The following PPCDC variants were observed in gnomAD, a reference collection of about 807,000 sequenced individuals.
PPCDC encodes the protein phosphopantothenoylcysteine decarboxylase.
PPCDC carries 20 observed loss-of-function variants against 20.7 expected under a neutral mutation model. The observed-to-expected ratio is 0.97, with a 90% CI of 0.68 to 1.41. The LOEUF is 1.41. Among genes scored for constraint, PPCDC ranks in the 40% most tolerant of loss-of-function variants. The pLI is 0.00. For missense variants in PPCDC, 246 were observed against 263.8 expected (o/e 0.93, Z 0.47); for synonymous variants, 88 against 100.3 (o/e 0.88, Z 0.73).
chr15:75,032,903 C>G (rs2066040963), intron 2 of PPCDC, among the ~76,000 whole-genome samples: 1 of 152,168 alleles, frequency 6.6e-6, no homozygotes, highest in Non-Finnish European at 1.5e-5. Flanking sequence ...CAGGCTCAAG[C>G]AGTCCTCCCA....
rs2141507162 is a variant in PPCDC, at chr15:75,048,698, A to G, written c.506A>G (p.Lys169Arg). Residue 169 changes from lysine to arginine, a missense_variant, in exon 5 of 6, where the codon AAG (lysine) becomes AGG (arginine). This residue lies in a region of PPCDC where 225 missense variants were observed against 222.6 expected (regional missense o/e 1.01). Coordinates refer to ENST00000342932, the MANE Select transcript of PPCDC (RefSeq NM_021823.5). The stretch of plus-strand genomic sequence containing the variant: ...TATGTCGAGATCCCCTGTGTGGCCA[A>G]GAAGCTGGTGTGCGGAGATGAAGGT... Reference protein sequence around the residue: ...FGYVEIPCVAKKLVCGDEGLG... With the variant: ...FGYVEIPCVARKLVCGDEGLG... 3 of 1,614,200 alleles carry G rather than the reference A, an allele frequency of 1.9e-6. No individual in the cohort carries two copies. The highest frequency in any genetic ancestry group is 2.5e-6 in the Non-Finnish European group (3 of 1,180,002).
chr15:75,033,264 C>T (rs1231917947), intron 2 of PPCDC, among the ~76,000 whole-genome samples: 1 of 152,184 alleles, frequency 6.6e-6, no homozygotes, highest in Non-Finnish European at 1.5e-5. Context: ...CGTGCTACTA[C>T]AGAGTTAAAT....
chr15:75,041,901 CAGTA>C (rs1232272762), intron 2 of PPCDC, among the ~76,000 whole-genome samples: 1 of 152,274 alleles, frequency 6.6e-6, no homozygotes, highest in East Asian at 1.9e-4. Context: ...CTCAGAGAGA[CAGTA>C]AGGAGGAATG....
chr15:75,034,552 A>G (rs1349273548), intron 2 of PPCDC, among the ~76,000 whole-genome samples: 2 of 152,156 alleles, frequency 1.3e-5, no homozygotes, highest in Non-Finnish European at 1.5e-5. Context: ...CTCATGTGCC[A>G]ACCGCACTGG....
chr15:75,038,702 C>T (rs1025060490), intron 2 of PPCDC, among the ~76,000 whole-genome samples: 1 of 152,110 alleles, frequency 6.6e-6, no homozygotes, highest in Non-Finnish European at 1.5e-5. Flanking sequence ...GAGTAAATGG[C>T]TCTCACCTGT....
Position 75,050,437 on chromosome 15 carries a change from A to C in PPCDC, c.*1202A>C, listed in dbSNP as rs1246124370. 6.6e-6 allele frequency: 1 copy of C among 152,372 alleles called. No homozygotes were observed. Among genetic ancestry groups the C allele is most frequent in the Middle Eastern group, 3.2e-3 (1 of 316 alleles). 9.4% of individuals were successfully genotyped at this position (152,372 alleles called of 1,614,324 possible). A position where few individuals can be genotyped will look rare whatever the true frequency, so the allele number is the denominator to read the frequency against. On this transcript the variant is annotated 3_prime_UTR_variant, in exon 6 of 6. Transcript: ENST00000342932. ...CCCTCTGCTACCCAGCTTTTGACTT[A>C]ATTGCCATTTGGTGTGGCTGCAGCG...
rs191178536 is a variant in PPCDC at position 75,029,205 on chromosome 15, C to G, written c.135+752C>G. On this transcript the variant is annotated intron_variant, in intron 2 of 5. Transcript: ENST00000342932. ...GCTGGGCCCTGCTAGGCTGGCTGCC[C>G]TCTCTGCTCCTCTCTCGCCTTTTCA... 5.4e-3 allele frequency among the ~76,000 whole-genome samples: 819 copies of G among 152,320 alleles called. 6 individuals are homozygous for G. Among genetic ancestry groups the G allele is most frequent in the African/African-American group, 0.019 (787 of 41,566 alleles).
chr15:75,039,004 C>G (rs763326634), intron 2 of PPCDC, among the ~76,000 whole-genome samples: 2 of 151,742 alleles, frequency 1.3e-5, no homozygotes, highest in Non-Finnish European at 2.9e-5. Flanking sequence ...GTTCTTGTTT[C>G]TTGGGTGTAG....
chr15:75,044,317 C>T (rs563249203), intron 3 of PPCDC, 69 bp from the exon 4 acceptor site: 8 of 1,587,838 alleles, frequency 5.0e-6, no homozygotes, highest in African/African-American at 1.3e-5. Context: ...CCTGACTTAC[C>T]GTACCTGGCC....
rs754837235 is a variant in PPCDC, at chr15:75,028,396, G to C, written c.78G>C (p.Gly26=). ...TCCATGTTCTTGTGGGTGTCACGGG[G>C]AGTGTCGCAGCCCTGAAGTTGCCTC... The part of the protein sequence containing the change: ...RKFHVLVGVT[G]SVAALKLPLL... The change falls in exon 2 of 6, where the codon GGG becomes GGC. Residue 26 remains glycine (G), a synonymous_variant. Transcript: ENST00000342932. 6.2e-7 allele frequency: 1 copy of C among 1,614,238 alleles called. No individual in the cohort carries two copies. Among genetic ancestry groups the C allele is most frequent in the African/African-American group, 1.3e-5 (1 of 75,050 alleles).
chr15:75,048,530 C>T (rs763384019), intron 4 of PPCDC, 23 bp from the exon 5 acceptor site: 1 of 1,609,130 alleles, frequency 6.2e-7, no homozygotes. Context: ...GCAAGACCCC[C>T]ACTTCCCTGG....
rs575483635 is a variant in PPCDC at position 75,026,202 on chromosome 15, A to G, written c.-72-2045A>G. 2.4e-4 allele frequency among the ~76,000 whole-genome samples: 37 copies of G among 152,276 alleles called. 1 individual carries two copies. In the South Asian group the frequency reaches 6.2e-3, roughly 26 times the overall value. ...GGTTTTGCAGGAATCTACCTATCCT[A>G]GCACCAGTTGGCTAGGGTGGGACAG... On this transcript the variant is annotated intron_variant, in intron 1 of 5. Transcript: ENST00000342932.
chr15:75,046,993 G>A (rs1443904720), intron 4 of PPCDC, among the ~76,000 whole-genome samples: 3 of 152,290 alleles, frequency 2.0e-5, no homozygotes, highest in East Asian at 3.8e-4. Context: ...CAGGGGCAGA[G>A]CCTGAAATGT....
chr15:75,048,726 G>A lies in PPCDC; in HGVS notation c.529+5G>A. ...AGCTGGTGTGCGGAGATGAAGGTGGGTGTCTTGCCAGGCTTATAGCCCAGG... is the reference window on the plus strand; with the variant it reads ...AGCTGGTGTGCGGAGATGAAGGTGGATGTCTTGCCAGGCTTATAGCCCAGG... On this transcript the variant is annotated splice_donor_5th_base_variant and intron_variant, in intron 5 of 5. Coordinates refer to ENST00000342932, the MANE Select transcript of PPCDC (RefSeq NM_021823.5). 6.2e-7 allele frequency: 1 copy of A among 1,613,734 alleles called. No homozygotes were observed. Among genetic ancestry groups the A allele is most frequent in the Non-Finnish European group, 8.5e-7 (1 of 1,179,728 alleles).
chr15:75,026,392 A>G (rs894902746), intron 1 of PPCDC, among the ~76,000 whole-genome samples: 3 of 152,134 alleles, frequency 2.0e-5, no homozygotes, highest in African/African-American at 7.2e-5. Context: ...CAGTTCTCCA[A>G]CTCTGGCCAA....
intron 2 of PPCDC, among the ~76,000 whole-genome samples, chr15:75,032,565 C>T (rs2066033510): frequency 6.6e-6 from 1 of 152,062 alleles, no homozygotes; most frequent in South Asian, 2.1e-4. Context: ...ACAAAATATC[C>T]AGCAGTAGAG....
At chr15:75,024,454 C>T (rs1464420590) in intron 1 of PPCDC, among the ~76,000 whole-genome samples, 1 of 151,394 alleles carries the variant, frequency 6.6e-6, no homozygotes, top group African/African-American at 2.4e-5. Flanking sequence ...CTCAAGGGAT[C>T]CTCCTGCCTC....
intron 1 of PPCDC, among the ~76,000 whole-genome samples, chr15:75,026,157 A>G (rs1424007385): frequency 6.6e-6 from 1 of 152,170 alleles, no homozygotes; most frequent in Non-Finnish European, 1.5e-5. Flanking sequence ...CAGGGGCCTC[A>G]GAGATAAAAT....
At chr15:75,034,792 C>T (rs1429786954) in intron 2 of PPCDC, among the ~76,000 whole-genome samples, 1 of 152,188 alleles carries the variant, frequency 6.6e-6, no homozygotes, top group African/African-American at 2.4e-5. Flanking sequence ...CTACCACTTC[C>T]TCTTTAGAAT....
Sources: gnomAD v4.1 joint callset for allele counts (sites outside exome capture counted in the v4.1 genomes callset) on GRCh38, gnomAD v4.1.1 for gene constraint, gnomAD v4.1.1 regional missense constraint, MANE v1.5 for transcripts, NCBI Gene and HGNC (gene_info 2026-07-23, HGNC 2026-07-21) for gene names.